The following KCNH7 variants were observed in gnomAD, a reference collection of about 807,000 sequenced individuals.
KCNH7 encodes the protein voltage-gated inwardly rectifying potassium channel KCNH7.
A neutral mutation model predicts 120.8 loss-of-function variants in KCNH7; 49 were observed. The ratio of observed to expected loss-of-function variants is 0.41; its 90% CI spans 0.32 to 0.51. The LOEUF is 0.51. Ranked by LOEUF, KCNH7 falls within the 20% of genes least tolerant of loss-of-function variation. The probability of loss-of-function intolerance (pLI) is 0.38; values close to 1 mark genes in which losing one functional copy is unlikely to be tolerated. For synonymous variants in KCNH7, 547 were observed against 516.1 expected, an observed-to-expected ratio of 1.06 and a Z score of -0.81; for missense variants, 1,097 against 1,446.6, an observed-to-expected ratio of 0.76 and a Z score of 3.92.
chr2:162,474,885 TC>T (rs1240068280), intron 6 of KCNH7, among the ~76,000 whole-genome samples: 2 of 146,994 alleles, frequency 1.4e-5, no homozygotes, highest in East Asian at 4.1e-4. Context: ...TTAGGCTGTT[TC>T]TCTGGAGGAA....
rs533066182 is a variant in KCNH7 at position 162,394,747 on chromosome 2, T to C, written c.2614-262A>G. ...ATTTATGTGAAATGTTTAGGGATGA[T>C]GTCAACATTTAAAGATAAAATATTT... On this transcript the variant is annotated intron_variant, in intron 11 of 15. Coordinates refer to ENST00000332142, the MANE Select transcript of KCNH7 (RefSeq NM_033272.4). Among the ~76,000 whole-genome samples, 45 of 152,042 alleles carry C rather than the reference T, an allele frequency of 3.0e-4. No individual in the cohort carries two copies. The South Asian group carries it at 9.3e-3, about 32-fold the overall frequency.
intron 15 of KCNH7, 110 bp downstream of exon 15, chr2:162,373,360 G>T: frequency 1.5e-6 from 1 of 673,014 alleles, no homozygotes; most frequent in Non-Finnish European, 2.3e-6. Context: ...TAGAAACAGA[G>T]ATAGGGACAG....
intron 2 of KCNH7, among the ~76,000 whole-genome samples, chr2:162,641,445 C>T (rs902626945): frequency 6.6e-6 from 1 of 152,058 alleles, no homozygotes; most frequent in Non-Finnish European, 1.5e-5. Context: ...TGGCATGGCT[C>T]ACACCTATAA....
rs142694517 is a variant in KCNH7 at position 162,525,166 on chromosome 2, T to C, written c.464-7008A>G. Among the ~76,000 whole-genome samples, 376 of 152,068 alleles carry C rather than the reference T, an allele frequency of 2.5e-3. 1 individual carries two copies. The highest frequency in any genetic ancestry group is 8.8e-3 in the African/African-American group (365 of 41,536). On this transcript the variant is annotated intron_variant, in intron 3 of 15. Transcript: ENST00000332142. The stretch of plus-strand genomic sequence containing the variant: ...AATCCTGTGACATTTCCTAGGGTAT[T>C]AGATACCAAAGAAAAAGCAAGATCT...
chr2:162,478,446 G>C (rs13419024), intron 6 of KCNH7, among the ~76,000 whole-genome samples: 2,043 of 152,182 alleles, frequency 0.013, 49 homozygotes, highest in African/African-American at 0.047. Context: ...GGAATAAAAT[G>C]TTGTAAGTGT....
At chr2:162,623,063 C>T (rs376972085) in intron 2 of KCNH7, among the ~76,000 whole-genome samples, 1 of 152,078 alleles carries the variant, frequency 6.6e-6, no homozygotes, top group Non-Finnish European at 1.5e-5. Context: ...AGAATTTAGA[C>T]AGATTTTATG....
At chr2:162,480,286 A>G (rs1689889012) in intron 6 of KCNH7, among the ~76,000 whole-genome samples, 2 of 152,168 alleles carry the variant, frequency 1.3e-5, no homozygotes, top group South Asian at 2.1e-4. Flanking sequence ...GCTCCTCACA[A>G]TTGTACATTC....
At chr2:162,701,315 G>A (rs1036921161) in intron 2 of KCNH7, among the ~76,000 whole-genome samples, 1 of 151,972 alleles carries the variant, frequency 6.6e-6, no homozygotes, top group Admixed American at 6.6e-5. Flanking sequence ...TCATTGACGA[G>A]TTACCTGAAG....
chr2:162,634,346 G>C (rs970806514), intron 2 of KCNH7, among the ~76,000 whole-genome samples: 2 of 152,112 alleles, frequency 1.3e-5, no homozygotes, highest in East Asian at 3.9e-4. Flanking sequence ...CCTGGTAGAA[G>C]GGCATGCCGT....
chr2:162,382,814 T>A, intron 13 of KCNH7, among the ~76,000 whole-genome samples: 1 of 151,948 alleles, frequency 6.6e-6, no homozygotes, highest in East Asian at 1.9e-4. Flanking sequence ...GAATGAAGTT[T>A]TAGAATTCCC....
At chr2:162,423,564 G>A (rs773358096) in intron 8 of KCNH7, 29 bp from the exon 9 acceptor site, 1 of 1,596,468 alleles carries the variant, frequency 6.3e-7, no homozygotes, top group Non-Finnish European at 8.6e-7. Context: ...AAAGTTATCG[G>A]GGAAACTGCA....
chr2:162,610,888 G>A (rs947095268), intron 2 of KCNH7, among the ~76,000 whole-genome samples: 1 of 152,192 alleles, frequency 6.6e-6, no homozygotes, highest in African/African-American at 2.4e-5. Flanking sequence ...GACAATAAAT[G>A]TGAAAGCCAG....
At chr2:162,493,049 T>A (rs1315149302) in intron 6 of KCNH7, among the ~76,000 whole-genome samples, 1 of 151,936 alleles carries the variant, frequency 6.6e-6, no homozygotes, top group African/African-American at 2.4e-5. Context: ...GGGAAAAAAA[T>A]ATTTGTTTTC....
rs371914070 is a variant in KCNH7, at chr2:162,547,166, A to G, written c.308-10086T>C. 5.1e-4 allele frequency among the ~76,000 whole-genome samples: 78 copies of G among 152,238 alleles called. 3 individuals are homozygous for G. In the South Asian group the frequency reaches 5.4e-3, roughly 11 times the overall value. The stretch of plus-strand genomic sequence containing the variant: ...AAACTACCATTTATAAAACCATCAG[A>G]TCTTGTGAGAATTCACTTAGTCTCA... On this transcript the variant is annotated intron_variant, in intron 2 of 15. Transcript: ENST00000332142.
intron 6 of KCNH7, among the ~76,000 whole-genome samples, chr2:162,494,645 T>C (rs1690434030): frequency 6.6e-6 from 1 of 152,192 alleles, no homozygotes; most frequent in African/African-American, 2.4e-5. Context: ...TTGTCAATCA[T>C]GTTTTTGACT....
At chr2:162,395,617 A>G (rs1056758382) in intron 11 of KCNH7, among the ~76,000 whole-genome samples, 1 of 151,744 alleles carries the variant, frequency 6.6e-6, no homozygotes, top group African/African-American at 2.4e-5. Context: ...ACATAAAACT[A>G]AGATTGGGAC....
At chr2:162,457,626 A>C (rs1190328680) in intron 6 of KCNH7, among the ~76,000 whole-genome samples, 1 of 152,180 alleles carries the variant, frequency 6.6e-6, no homozygotes, top group Admixed American at 6.6e-5. Flanking sequence ...CACTTTCAAA[A>C]AGTGCAATAG....
chr2:162,790,086 A>T (rs1683871585), intron 2 of KCNH7, among the ~76,000 whole-genome samples: 1 of 151,840 alleles, frequency 6.6e-6, no homozygotes, highest in Non-Finnish European at 1.5e-5. Context: ...CATTGACAAA[A>T]CTTTAACTAG....
chr2:162,711,045 T>G (rs1686911565), intron 2 of KCNH7, among the ~76,000 whole-genome samples: 1 of 152,204 alleles, frequency 6.6e-6, no homozygotes, highest in African/African-American at 2.4e-5. Context: ...ACCATTATAC[T>G]TTCTATAATA....
Sources: gnomAD v4.1 joint callset for allele counts (sites outside exome capture counted in the v4.1 genomes callset) on GRCh38, gnomAD v4.1.1 for gene constraint, MANE v1.5 for transcripts, NCBI Gene and HGNC (gene_info 2026-07-23, HGNC 2026-07-21) for gene names.